The following INTS4 variants were observed in gnomAD, a reference collection of about 807,000 sequenced individuals.
The protein encoded by INTS4 is integrator complex subunit 4.
In INTS4, 70 loss-of-function variants were observed where a neutral mutation model predicts 119.5. The observed-to-expected ratio is 0.59, with a 90% CI of 0.48 to 0.71. INTS4 has a LOEUF of 0.71. INTS4 is among the 30% of genes least tolerant of loss of function. The probability of loss-of-function intolerance (pLI) is 0.00; values close to 1 mark genes in which losing one functional copy is unlikely to be tolerated. For missense variants in INTS4, 867 were observed against 1,173.2 expected, an observed-to-expected ratio of 0.74 and a Z score of 3.81; for synonymous variants, 316 against 419.6, an observed-to-expected ratio of 0.75 and a Z score of 3.02.
intron 8 of INTS4, among the ~76,000 whole-genome samples, chr11:77,948,572 A>G (rs1295116775): frequency 6.6e-6 from 1 of 150,646 alleles, no homozygotes; most frequent in Non-Finnish European, 1.5e-5. Context: ...ACTTGAACCC[A>G]GGAGGTGAAG....
At chr11:77,900,388 C>G (rs956559827) in intron 18 of INTS4, among the ~76,000 whole-genome samples, 1 of 152,132 alleles carries the variant, frequency 6.6e-6, no homozygotes, top group African/African-American at 2.4e-5. Context: ...TGTGAGCCAC[C>G]ACACCCGGCC....
intron 18 of INTS4, among the ~76,000 whole-genome samples, chr11:77,899,372 A>G (rs1052674598): frequency 1.3e-5 from 2 of 152,112 alleles, no homozygotes; most frequent in African/African-American, 2.4e-5. Flanking sequence ...GCAGGAATGC[A>G]TACAAATGAA....
At position 77,981,458 on chromosome 11, in the gene INTS4, C is replaced by A; in HGVS notation, c.364+1G>T. 6.9e-7 allele frequency: 1 copy of A among 1,449,518 alleles called. No individual in the cohort carries two copies. The highest frequency in any genetic ancestry group is 9.4e-7 in the Non-Finnish European group (1 of 1,067,114). 89.8% of individuals were successfully genotyped at this position (1,449,518 alleles called of 1,614,324 possible). A position where few individuals can be genotyped will look rare whatever the true frequency, so the allele number is the denominator to read the frequency against. ...TATAGAGCTTTTAAATTGCAACTTACTTTCATTCTGCAGGATGTTGATGGC... is the reference window on the plus strand; with the variant it reads ...TATAGAGCTTTTAAATTGCAACTTAATTTCATTCTGCAGGATGTTGATGGC... On this transcript the variant is annotated splice_donor_variant, in intron 3 of 22. Coordinates refer to ENST00000534064, the MANE Select transcript of INTS4 (RefSeq NM_033547.4). LOFTEE classifies it high-confidence loss of function.
At chr11:77,949,992 A>G (rs1448534929) in intron 8 of INTS4, among the ~76,000 whole-genome samples, 1 of 152,222 alleles carries the variant, frequency 6.6e-6, no homozygotes, top group Non-Finnish European at 1.5e-5. Context: ...GATAGACTGG[A>G]CAAAGAAAAT....
chr11:77,980,032 C>G (rs1856142989), intron 3 of INTS4, among the ~76,000 whole-genome samples: 1 of 149,276 alleles, frequency 6.7e-6, no homozygotes, highest in Admixed American at 6.6e-5. Context: ...CCATTGCCTT[C>G]AAGATAAAGT....
intron 10 of INTS4, among the ~76,000 whole-genome samples, chr11:77,938,308 A>T (rs1953849716): frequency 6.6e-6 from 1 of 152,224 alleles, no homozygotes; most frequent in South Asian, 2.1e-4. Context: ...ACCAATTATT[A>T]AGTGCTTATT....
downstream of INTS4, among the ~76,000 whole-genome samples, chr11:77,878,198 T>TA (rs1173148568): frequency 2.0e-5 from 3 of 151,830 alleles, no homozygotes; most frequent in Non-Finnish European, 4.4e-5. Context: ...CCGTCTCTAC[T>TA]AAAAATACAA....
chr11:77,964,549 G>A (rs956782403), intron 4 of INTS4, among the ~76,000 whole-genome samples: 1 of 150,908 alleles, frequency 6.6e-6, no homozygotes, highest in Non-Finnish European at 1.5e-5. Flanking sequence ...ACTCCAGCCT[G>A]TGTGACAGAG....
At chr11:77,876,958 C>G (rs887885762), downstream of INTS4, 7 of 703,200 alleles carry the variant, frequency 1.0e-5, no homozygotes, top group East Asian at 1.9e-4. Flanking sequence ...AGGCTCCAAC[C>G]CAGCAGCTGC....
In INTS4 at chr11:77,891,671, A is replaced by G; in HGVS notation, c.2448+10T>C. The G allele has an allele frequency of 6.2e-7, 1 of 1,611,946 alleles. No individual in the cohort carries two copies. The highest frequency in any genetic ancestry group is 8.5e-7 in the Non-Finnish European group (1 of 1,179,806). ...CAGATTTGGCCTACAGGGGCCAAAT[A>G]GACCCTGACCTGCTCTGGAAGCGGG... On this transcript the variant is annotated intron_variant, in intron 20 of 22. Coordinates refer to ENST00000534064, the MANE Select transcript of INTS4 (RefSeq NM_033547.4).
intron 8 of INTS4, among the ~76,000 whole-genome samples, chr11:77,943,105 A>G (rs1214545517): frequency 6.6e-6 from 1 of 152,130 alleles, no homozygotes; most frequent in Non-Finnish European, 1.5e-5. Flanking sequence ...GCTTTTTTCT[A>G]CTAGAATAAA....
chr11:77,948,654 C>CAAAAA (rs138277574), intron 8 of INTS4, among the ~76,000 whole-genome samples: 5 of 91,374 alleles, frequency 5.5e-5, no homozygotes, highest in African/African-American at 1.6e-4. Flanking sequence ...CTCAAAGAAA[C>CAAAAA]AAAAAAAAAA....
Position 77,918,711 on chromosome 11 carries a change from T to C in INTS4, c.1922+110A>G, listed in dbSNP as rs560304342. On this transcript the variant is annotated intron_variant, in intron 15 of 22. Coordinates refer to ENST00000534064, the MANE Select transcript of INTS4 (RefSeq NM_033547.4). Reference sequence around the variant, plus strand: ...CAGACCATAAAACCGTGTGTGAATGTAGACCAATAAAGTCAGAATATCAAG... The same window carrying C: ...CAGACCATAAAACCGTGTGTGAATGCAGACCAATAAAGTCAGAATATCAAG... The C allele has an allele frequency of 9.1e-5, 133 of 1,466,018 alleles. No homozygotes were observed. The African/African-American group carries it at 1.8e-3, about 20-fold the overall frequency. The allele number at this position is 1,466,018 out of a possible 1,614,324, so 90.8% of individuals were successfully genotyped here. A position where few individuals can be genotyped will look rare whatever the true frequency, so the allele number is the denominator to read the frequency against.
At chr11:77,941,369 A>G in intron 8 of INTS4, 118 bp from the exon 9 acceptor site, 2 of 1,128,028 alleles carry the variant, frequency 1.8e-6, no homozygotes, top group Non-Finnish European at 2.4e-6. Flanking sequence ...ATGACAGTAA[A>G]GATGCTATGG....
chr11:77,931,441 C>G (rs1232443175), intron 10 of INTS4, among the ~76,000 whole-genome samples: 1 of 152,148 alleles, frequency 6.6e-6, no homozygotes, highest in East Asian at 1.9e-4. Context: ...ATGGTATACT[C>G]ACTTTTTAAA....
At position 77,883,875 on chromosome 11, in the gene INTS4, G is replaced by C; in HGVS notation, c.2670C>G (p.His890Gln). ...AGAGATAAACCTGAGTGATGAGCCG[G>C]TGCCGCCCTGGGCCAGGATTCCGGA... ...ADFRNPGPGR[H>Q]RLITQVYLSH... The change falls in exon 22 of 23, where the codon CAC becomes CAG. Residue 890 changes from histidine (H) to glutamine (Q), a missense_variant. Coordinates refer to ENST00000534064, the MANE Select transcript of INTS4 (RefSeq NM_033547.4). The C allele has an allele frequency of 6.2e-7, 1 of 1,613,010 alleles. No homozygotes were observed. Among genetic ancestry groups the C allele is most frequent in the Non-Finnish European group, 8.5e-7 (1 of 1,179,532 alleles).
intron 12 of INTS4, chr11:77,922,704 T>C (rs556188341): frequency 3.5e-6 from 2 of 567,594 alleles, no homozygotes; most frequent in African/African-American, 3.8e-5. Context: ...CCAAGAGCCA[T>C]TTCCCCCATC....
At chr11:77,908,380 G>A (rs1953012933) in intron 15 of INTS4, among the ~76,000 whole-genome samples, 1 of 150,656 alleles carries the variant, frequency 6.6e-6, no homozygotes, top group Admixed American at 6.6e-5. Context: ...CCAGACTGGA[G>A]TACAGTGGCG....
At chr11:77,985,141 T>C (rs1856406769) in intron 2 of INTS4, among the ~76,000 whole-genome samples, 1 of 152,170 alleles carries the variant, frequency 6.6e-6, no homozygotes, top group African/African-American at 2.4e-5. Flanking sequence ...TGGTTCAGGC[T>C]TTCATCACCT....
Sources: allele counts gnomAD v4.1 joint callset (sites outside exome capture counted in the v4.1 genomes callset), GRCh38; gene constraint gnomAD v4.1.1; transcripts MANE v1.5; gene names NCBI Gene and HGNC (gene_info 2026-07-23, HGNC 2026-07-21).